Variants in RAB40B observed in about 807,000 individuals in gnomAD.
RAB40B encodes ras-related protein Rab-40B.
A neutral mutation model predicts 24.0 loss-of-function variants in RAB40B; 21 were observed. The ratio of observed to expected loss-of-function variants is 0.88; its 90% confidence interval spans 0.62 to 1.26. RAB40B has a LOEUF of 1.26. Ranked by LOEUF, RAB40B falls within the 50% of genes most tolerant of loss-of-function variation. The pLI is 0.00. For missense variants in RAB40B, 348 were observed against 390.5 expected (o/e 0.89, Z 0.92); for synonymous variants, 167 against 169.8 (o/e 0.98, Z 0.13).
intron 4 of RAB40B, chr17:82,659,173 G>A (rs994536635): frequency 5.4e-5 from 14 of 259,742 alleles, no homozygotes; most frequent in African/African-American, 2.9e-4. Context: ...TAGCAGCCCC[G>A]GGACACTCAT....
chr17:82,670,178 CTTTTTTTTTT>C (rs71168131), intron 1 of RAB40B, among the ~76,000 whole-genome samples: 1 of 81,272 alleles, frequency 1.2e-5, no homozygotes, highest in South Asian at 5.9e-4. Context: ...GGCCAACAAT[CTTTTTTTTTT>C]TTTTTTTTTT....
intron 3 of RAB40B, 111 bp from the exon 4 acceptor site, chr17:82,659,768 G>T: frequency 1.2e-6 from 1 of 809,952 alleles, no homozygotes; most frequent in Non-Finnish European, 2.1e-6. Flanking sequence ...TTAACACAAA[G>T]TACATAATTT....
Position 82,658,003 on chromosome 17 carries a change from C to A in RAB40B, c.697G>T (p.Ala233Ser). Residue 233 changes from alanine (A) to serine (S), a missense_variant, in exon 6 of 6, where the codon GCC (alanine) becomes TCC (serine). Physicochemically the swap from Ala to Ser is moderately conservative, Grantham distance 99. Coordinates refer to ENST00000571995, the MANE Select transcript of RAB40B (RefSeq NM_006822.3). ...TAGGAACCGCCGTGCATCATCCTGGCATTCAGGCCGTTGGCCATCGAGAAG... is the reference window on the plus strand; with the variant it reads ...TAGGAACCGCCGTGCATCATCCTGGAATTCAGGCCGTTGGCCATCGAGAAG... ...KSFSMANGLN[A>S]RMMHGGSYSL... The A allele has an allele frequency of 1.2e-6, 2 of 1,614,238 alleles. No individual in the cohort carries two copies. Among genetic ancestry groups the A allele is most frequent in the Non-Finnish European group, 1.7e-6 (2 of 1,180,046 alleles).
Position 82,657,922 on chromosome 17 carries a change from C to A in RAB40B, c.778G>T (p.Val260Phe). Residue 260 changes from valine (V) to phenylalanine (F), a missense_variant, in exon 6 of 6, where the codon GTC becomes TTC. By Grantham distance (50) the Val-to-Phe change is conservative. Transcript: ENST00000571995. ...TTGGGGGGGCTCTGGGGGGGGCGGACGAGCTTCACTTTGCGGAGGCTGCTC... is the reference window on the plus strand; with the variant it reads ...TTGGGGGGGCTCTGGGGGGGGCGGAAGAGCTTCACTTTGCGGAGGCTGCTC... ...KRSSLRKVKL[V>F]RPPQSPPKNC... 1 of 1,613,594 alleles carries A rather than the reference C, an allele frequency of 6.2e-7. No individual in the cohort carries two copies. Among genetic ancestry groups the A allele is most frequent in the Non-Finnish European group, 8.5e-7 (1 of 1,179,872 alleles).
chr17:82,686,849 C>T (rs566934254), intron 1 of RAB40B, among the ~76,000 whole-genome samples: 25 of 152,332 alleles, frequency 1.6e-4, no homozygotes, highest in African/African-American at 5.5e-4. Flanking sequence ...CCACGTTCCT[C>T]CCGTCCAGTG....
chr17:82,657,909 T>TGGGGGGGGTGG lies in RAB40B; in HGVS notation c.790_791insCCACCCCCCCC (p.Gln264ProfsTer92), dbSNP rs750486067. The TGGGGGGGGTGG allele has an allele frequency of 1.4e-5, 5 of 369,906 alleles. No individual in the cohort carries two copies. The Admixed American group carries it at 1.7e-4, about 13-fold the overall frequency. 22.9% of individuals were successfully genotyped at this position (369,906 alleles called of 1,614,324 possible). On this transcript the variant is annotated frameshift_variant, in exon 6 of 6. Transcript: ENST00000571995. LOFTEE classifies it high-confidence loss of function. ...TCTGGTGCAGTTTTTGGGGGGGCTC[T>TGGGGGGGGTGG]GGGGGGGGCGGACGAGCTTCACTTT... is the stretch of plus-strand genomic sequence containing the variant.
In RAB40B at chr17:82,667,324, G is replaced by T. The variant is rs951082827; in HGVS notation, c.143-2768C>A. Among the ~76,000 whole-genome samples the T allele has an allele frequency of 6.6e-6, 1 of 152,232 alleles. No homozygotes were observed. The highest frequency in any genetic ancestry group is 1.5e-5 in the Non-Finnish European group (1 of 68,036). ...TCCCACTTGGCTTGGACAGCTGGTC[G>T]CCCACATCTTCAGGCAGGCCTGGGC... On this transcript the variant is annotated intron_variant, in intron 1 of 5. Coordinates refer to ENST00000571995, the MANE Select transcript of RAB40B (RefSeq NM_006822.3). This position sits in a 1 kb window ranked among gnomAD's most constrained non-coding sequence, Gnocchi z 4.3.
In RAB40B at chr17:82,678,879, GTT is replaced by G. The variant is rs35848277; in HGVS notation, c.143-14325_143-14324del. Reference sequence around the variant, plus strand: ...TTTGTGAAAGCAGCTCCCTTTCTGCGTTTTTTTTTTTTTTTTTTTTTGAGACG... The same window carrying G: ...TTTGTGAAAGCAGCTCCCTTTCTGCGTTTTTTTTTTTTTTTTTTTGAGACG... On this transcript the variant is annotated intron_variant, in intron 1 of 5. Coordinates refer to ENST00000571995, the MANE Select transcript of RAB40B (RefSeq NM_006822.3). 4.8e-3 allele frequency among the ~76,000 whole-genome samples: 480 copies of G among 99,142 alleles called. 2 individuals carry two copies. The highest frequency in any genetic ancestry group is 6.3e-3 in the Middle Eastern group (1 of 158). The allele number at this position is 99,142 out of a possible 152,430, so 65.0% of individuals were successfully genotyped here. A position where few individuals can be genotyped will look rare whatever the true frequency, so the allele number is the denominator to read the frequency against.
intron 1 of RAB40B, among the ~76,000 whole-genome samples, chr17:82,685,540 C>CG (rs1169679720): frequency 1.3e-5 from 2 of 152,188 alleles, no homozygotes; most frequent in Non-Finnish European, 2.9e-5. Context: ...CCCAGGCACC[C>CG]GGCCTGCCTC....
rs1419327142 is a variant in RAB40B, at chr17:82,657,411, TGGC to T, written c.*449_*451del. On this transcript the variant is annotated 3_prime_UTR_variant, in exon 6 of 6. Transcript: ENST00000571995. The stretch of plus-strand genomic sequence containing the variant: ...TCTACATCTGCAGCGTTTTATAAAT[TGGC>T]GCTTTGACATTGAAAAGGAGGTTTA... 1 of 315,784 alleles carries T rather than the reference TGGC, an allele frequency of 3.2e-6. No individual in the cohort carries two copies. The highest frequency in any genetic ancestry group is 6.1e-6 in the Non-Finnish European group (1 of 162,778). 19.6% of individuals were successfully genotyped at this position (315,784 alleles called of 1,614,324 possible).
chr17:82,669,073 C>A (rs187604020), intron 1 of RAB40B, among the ~76,000 whole-genome samples: 3 of 152,244 alleles, frequency 2.0e-5, no homozygotes, highest in South Asian at 2.1e-4. Flanking sequence ...CACGGTGGCT[C>A]ACGCCTGTAA....
chr17:82,664,821 G>T, intron 1 of RAB40B: 1 of 419,606 alleles, frequency 2.4e-6, no homozygotes. Flanking sequence ...CTCCCCGACA[G>T]GCACTGCAGG....
intron 1 of RAB40B, among the ~76,000 whole-genome samples, chr17:82,680,032 A>T (rs2046434261): frequency 6.6e-6 from 1 of 152,182 alleles, no homozygotes; most frequent in Non-Finnish European, 1.5e-5. Flanking sequence ...GGATTCCCTG[A>T]GGCTGGTTGT....
chr17:82,679,181 C>G (rs1012069045), intron 1 of RAB40B, among the ~76,000 whole-genome samples: 1 of 151,932 alleles, frequency 6.6e-6, no homozygotes, highest in African/African-American at 2.4e-5. Flanking sequence ...CTGAGCAGCT[C>G]CCTTTCTGAA....
In RAB40B at chr17:82,667,711, C is replaced by T. The variant is rs547062232; in HGVS notation, c.143-3155G>A. 5.1e-4 allele frequency among the ~76,000 whole-genome samples: 78 copies of T among 152,186 alleles called. No homozygotes were observed. Among genetic ancestry groups the T allele is most frequent in the Non-Finnish European group, 1.0e-3 (70 of 68,036 alleles). Reference sequence around the variant, plus strand: ...AAGCAACACCAGAGCAAACTCCCCCCGTCAGAGGAGAGTGATTCAGAGGAC... The same window carrying T: ...AAGCAACACCAGAGCAAACTCCCCCTGTCAGAGGAGAGTGATTCAGAGGAC... On this transcript the variant is annotated intron_variant, in intron 1 of 5. Coordinates refer to ENST00000571995, the MANE Select transcript of RAB40B (RefSeq NM_006822.3). This position sits in a 1 kb window ranked among gnomAD's most constrained non-coding sequence, Gnocchi z 4.3.
At chr17:82,659,001 A>G in intron 4 of RAB40B, 1 of 388,280 alleles carries the variant, frequency 2.6e-6, no homozygotes, top group African/African-American at 2.0e-5. Context: ...CGGTGCAGCC[A>G]CAAGCCAGGG....
chr17:82,660,728 G>A (rs909727276), intron 3 of RAB40B, among the ~76,000 whole-genome samples: 29 of 151,062 alleles, frequency 1.9e-4, no homozygotes, highest in African/African-American at 5.1e-4. Flanking sequence ...ACAGATGCAC[G>A]CATACACAGT....
rs1488899801 is a variant in RAB40B, at chr17:82,675,842, ACT to A, written c.143-11288_143-11287del. Among the ~76,000 whole-genome samples the A allele has an allele frequency of 6.6e-6, 1 of 151,670 alleles. No homozygotes were observed. Among genetic ancestry groups the A allele is most frequent in the Admixed American group, 6.6e-5 (1 of 15,224 alleles). On this transcript the variant is annotated intron_variant, in intron 1 of 5. Coordinates refer to ENST00000571995, the MANE Select transcript of RAB40B (RefSeq NM_006822.3). This position sits in a 1 kb window ranked among gnomAD's most constrained non-coding sequence, Gnocchi z 4.5. ...GAATTTGGGGGGGTCACAAACATTC[ACT>A]CTCTTGCAGGCGGGTGGGGAGATAA...
intron 1 of RAB40B, chr17:82,665,009 G>C (rs1264188761): frequency 1.2e-5 from 2 of 172,020 alleles, no homozygotes; most frequent in African/African-American, 4.8e-5. Context: ...CAGACACTGA[G>C]ACTGCGTCCC....
Sources: gnomAD v4.1 joint callset for allele counts (sites outside exome capture counted in the v4.1 genomes callset) on GRCh38, gnomAD v4.1.1 for gene constraint, Gnocchi (gnomAD v3.1) non-coding constraint, MANE v1.5 for transcripts, NCBI Gene and HGNC (gene_info 2026-07-23, HGNC 2026-07-21) for gene names.